The following PNPLA7 variants were observed in gnomAD, a reference collection of about 807,000 sequenced individuals.
PNPLA7 encodes patatin-like phospholipase domain-containing protein 7.
A neutral mutation model predicts 161.7 loss-of-function variants in PNPLA7; 153 were observed. The observed-to-expected ratio is 0.95, with a 90% CI of 0.83 to 1.08. The LOEUF is 1.08. PNPLA7 is among the 50% of genes least tolerant of loss of function. The pLI is 0.00. For missense variants in PNPLA7, 1,739 were observed against 1,856.6 expected (o/e 0.94, Z 1.16); for synonymous variants, 809 against 782.1 (o/e 1.03, Z -0.57).
intron 14 of PNPLA7, among the ~76,000 whole-genome samples, chr9:137,502,721 C>CGGGGGGGACGG (rs1326317923): frequency 1.6e-4 from 2 of 12,154 alleles, no homozygotes; most frequent in Non-Finnish European, 1.5e-4. Context: ...GCGGGGGACG[C>CGGGGGGGACGG]GGGGGACGGG....
At chr9:137,474,538 C>T (rs1300545818) in intron 25 of PNPLA7, among the ~76,000 whole-genome samples, 6 of 152,132 alleles carry the variant, frequency 3.9e-5, no homozygotes, top group Admixed American at 1.3e-4. Context: ...TGGAGGACAC[C>T]GGAGTGCCGT....
At chr9:137,508,617 C>T (rs1043661689) in intron 12 of PNPLA7, among the ~76,000 whole-genome samples, 34 of 151,924 alleles carry the variant, frequency 2.2e-4, no homozygotes, top group African/African-American at 7.5e-4. Context: ...TATCTTGACC[C>T]CTACTCACTT....
chr9:137,464,444 A>G lies in PNPLA7; in HGVS notation c.3052T>C (p.Leu1018=). The change falls in exon 27 of 35, where the codon TTG becomes CTG. Residue 1018 remains leucine, a synonymous_variant. Transcript: ENST00000406427. ...AKQWAEGMTS[L]MKAALDLTYP... ...GTGAGGTCCAGCGCGGCCTTCATCA[A>G]GGACGTCATGCCCTGGGGCCACATG... The G allele has an allele frequency of 6.2e-7, 1 of 1,613,782 alleles. No individual in the cohort carries two copies. The highest frequency in any genetic ancestry group is 8.5e-7 in the Non-Finnish European group (1 of 1,179,946).
In PNPLA7 at chr9:137,467,460, C is replaced by G; in HGVS notation, c.2896G>C (p.Val966Leu). The change falls in exon 26 of 35, where the codon GTG becomes CTG. Residue 966 changes from valine to leucine, a missense_variant. Val to Leu is a conservative substitution (Grantham distance 32, BLOSUM62 1). This residue lies in a region of PNPLA7 where 703 missense variants were observed against 694.6 expected (regional missense o/e 1.01). Transcript: ENST00000406427. The surrounding 1 kb of genome is among the most constrained non-coding windows in gnomAD (Gnocchi z 5.1). ...GGGGARGCAQ[V>L]GVLKALAECG... ...TCCGCCAAGGCCTTGAGAACGCCCA[C>G]CTGGGCACAGCCTCTACACCAGCCA... 1 of 1,613,064 alleles carries G rather than the reference C, an allele frequency of 6.2e-7. No homozygotes were observed. Among genetic ancestry groups the G allele is most frequent in the South Asian group, 1.1e-5 (1 of 91,076 alleles).
Position 137,540,237 on chromosome 9 carries a change from AAAGACGGC to A in PNPLA7, c.747+397_747+404del, listed in dbSNP as rs1836119182. Among the ~76,000 whole-genome samples the A allele has an allele frequency of 6.6e-6, 1 of 152,220 alleles. No homozygotes were observed. Among genetic ancestry groups the A allele is most frequent in the Non-Finnish European group, 1.5e-5 (1 of 68,034 alleles). On this transcript the variant is annotated intron_variant, in intron 8 of 34. Transcript: ENST00000406427. This position sits in a 1 kb window ranked among gnomAD's most constrained non-coding sequence, Gnocchi z 5.1. ...AAAAGCAAAAGACTGGGAGCCACAG[AAAGACGGC>A]GCCAGCAGGGAAGAGCCCAGCAGGA... is the stretch of plus-strand genomic sequence containing the variant.
intron 20 of PNPLA7, among the ~76,000 whole-genome samples, chr9:137,485,174 G>C (rs1832412388): frequency 6.6e-6 from 1 of 152,254 alleles, no homozygotes; most frequent in Non-Finnish European, 1.5e-5. Flanking sequence ...CAGCAGGTCT[G>C]ACCAGCACTG....
intron 25 of PNPLA7, among the ~76,000 whole-genome samples, chr9:137,471,899 T>A (rs1831723978): frequency 6.6e-6 from 1 of 152,014 alleles, no homozygotes; most frequent in Non-Finnish European, 1.5e-5. Context: ...GCAAAGGGCC[T>A]AGGACAGCCA....
chr9:137,492,384 T>C (rs1404441399), intron 20 of PNPLA7: 1 of 959,508 alleles, frequency 1.0e-6, no homozygotes, highest in Non-Finnish European at 1.2e-6. Flanking sequence ...ATAGCAGAGC[T>C]TTCCTCCAGT....
chr9:137,519,884 C>A, intron 11 of PNPLA7, 33 bp downstream of exon 11: 2 of 1,593,354 alleles, frequency 1.3e-6, no homozygotes, highest in Non-Finnish European at 1.7e-6. Context: ...GACTCTGGGG[C>A]TGGACATTGC....
intron 12 of PNPLA7, 120 bp downstream of exon 12, chr9:137,515,259 G>T: frequency 7.5e-7 from 1 of 1,327,956 alleles, no homozygotes; most frequent in South Asian, 1.5e-5. Context: ...GGGCACGTGG[G>T]GCTCTAGTGG....
intron 17 of PNPLA7, among the ~76,000 whole-genome samples, chr9:137,497,739 G>C (rs111674210): frequency 2.6e-5 from 4 of 152,358 alleles, no homozygotes; most frequent in African/African-American, 7.2e-5. Context: ...ATGTTGGCAA[G>C]GCTGGTCTCA....
intron 20 of PNPLA7, chr9:137,492,253 C>A: frequency 4.1e-6 from 4 of 985,260 alleles, no homozygotes; most frequent in Non-Finnish European, 4.8e-6. Flanking sequence ...CCATGCTGAG[C>A]ACAGGAGAGA....
chr9:137,508,045 C>T (rs1202172708), intron 12 of PNPLA7, among the ~76,000 whole-genome samples: 2 of 151,628 alleles, frequency 1.3e-5, no homozygotes, highest in African/African-American at 4.9e-5. Flanking sequence ...ATTTTAAAAA[C>T]CAGCCAGGTG....
Position 137,547,263 on chromosome 9 carries a change from G to T in PNPLA7, c.193+46C>A, listed in dbSNP as rs574224204. ...TCAAAACACATCCCAAGACACCCAC[G>T]CTTTCCCCCAACCCCCCGGGCCAGA... On this transcript the variant is annotated intron_variant, in intron 3 of 34. Transcript: ENST00000406427. This position sits in a 1 kb window ranked among gnomAD's most constrained non-coding sequence, Gnocchi z 4.6. 6.3e-7 allele frequency: 1 copy of T among 1,575,566 alleles called. No homozygotes were observed. Among genetic ancestry groups the T allele is most frequent in the Admixed American group, 1.7e-5 (1 of 59,962 alleles).
intron 9 of PNPLA7, among the ~76,000 whole-genome samples, chr9:137,522,176 G>A (rs1484370406): frequency 6.6e-5 from 10 of 152,192 alleles, no homozygotes; most frequent in East Asian, 1.9e-4. Flanking sequence ...CCGGGTTCAT[G>A]CCGTTCTCCT....
intron 23 of PNPLA7, chr9:137,479,695 C>A (rs77223477): frequency 0.16 from 157,056 of 985,220 alleles, 12,881 homozygotes; most frequent in Middle Eastern, 0.19. Context: ...AAACTGAAGG[C>A]AGGAAGCTGG....
At chr9:137,505,566 A>C (rs748729552) in intron 14 of PNPLA7, 48 bp downstream of exon 14, 6 of 1,604,072 alleles carry the variant, frequency 3.7e-6, no homozygotes, top group Non-Finnish European at 4.3e-6. Context: ...AGAGGAGGCC[A>C]CGGGCCCTGG....
intron 1 of PNPLA7, among the ~76,000 whole-genome samples, chr9:137,549,541 G>A (rs1836732790): frequency 7.0e-6 from 1 of 142,724 alleles, no homozygotes; most frequent in Admixed American, 7.5e-5. Context: ...CTGCAATCCA[G>A]CTTGGGCGAC....
rs899899990 is a variant in PNPLA7 at position 137,495,416 on chromosome 9, G to C, written c.2014-270C>G. On this transcript the variant is annotated intron_variant, in intron 18 of 34. Coordinates refer to ENST00000406427, the MANE Select transcript of PNPLA7 (RefSeq NM_001098537.3). ...GAACAAGGGCAGCCTCAGCTCTCCC[G>C]AAGAAATAAATGCCTTTGGAGAACA... is the stretch of plus-strand genomic sequence containing the variant. Among the ~76,000 whole-genome samples, 5 of 152,188 alleles carry C rather than the reference G, an allele frequency of 3.3e-5. No individual in the cohort carries two copies. The East Asian group carries it at 9.7e-4, about 29-fold the overall frequency.
Sources: gnomAD v4.1 joint callset for allele counts (sites outside exome capture counted in the v4.1 genomes callset) on GRCh38, gnomAD v4.1.1 for gene constraint, gnomAD v4.1.1 regional missense constraint, Gnocchi (gnomAD v3.1) non-coding constraint, MANE v1.5 for transcripts, NCBI Gene and HGNC (gene_info 2026-07-23, HGNC 2026-07-21) for gene names.